The following FRMD5 variants were observed in gnomAD, a reference collection of about 807,000 sequenced individuals.
FRMD5 encodes the protein FERM domain containing 5, also known as FERM domain-containing protein 5.
Under a neutral mutation model 69.0 loss-of-function variants are expected in FRMD5, and 20 were observed. That is an observed-to-expected ratio of 0.29 (90% CI 0.20 to 0.42). The LOEUF is 0.42. Ranked by LOEUF, FRMD5 falls within the 10% of genes least tolerant of loss-of-function variation. FRMD5 has a pLI of 1.00. For synonymous variants in FRMD5, 271 were observed against 260.1 expected (o/e 1.04, Z -0.40); for missense variants, 595 against 708.6 (o/e 0.84, Z 1.82).
At chr15:44,014,715 T>C (rs1443577905) in intron 1 of FRMD5, among the ~76,000 whole-genome samples, 3 of 151,466 alleles carry the variant, frequency 2.0e-5, no homozygotes, top group Non-Finnish European at 4.4e-5. Context: ...CCAGCCTGGG[T>C]GACAAGAGCG....
chr15:44,182,074 G>A (rs565381773), intron 1 of FRMD5, among the ~76,000 whole-genome samples: 67 of 150,718 alleles, frequency 4.4e-4, no homozygotes, highest in Middle Eastern at 3.4e-3. Flanking sequence ...CTAGTGGTGC[G>A]ATCTCGGCTC....
At chr15:43,885,647 A>G in intron 11 of FRMD5, 34 bp downstream of exon 11, 1 of 1,552,228 alleles carries the variant, frequency 6.4e-7, no homozygotes, top group East Asian at 2.2e-5. Flanking sequence ...GTCTGAAAAT[A>G]GATCCATAAT....
chr15:44,038,915 C>T (rs569915421), intron 1 of FRMD5, among the ~76,000 whole-genome samples: 31 of 152,262 alleles, frequency 2.0e-4, no homozygotes, highest in African/African-American at 6.7e-4. Context: ...CCCATAGAGC[C>T]GAGCAAGCTA....
chr15:43,947,362 T>C (rs1341715485), intron 1 of FRMD5, among the ~76,000 whole-genome samples: 1 of 152,250 alleles, frequency 6.6e-6, no homozygotes, highest in African/African-American at 2.4e-5. Context: ...TCCATATATT[T>C]AAAAGCTATC....
At chr15:44,113,532 C>T (rs1258337571) in intron 1 of FRMD5, among the ~76,000 whole-genome samples, 1 of 152,148 alleles carries the variant, frequency 6.6e-6, no homozygotes, top group Non-Finnish European at 1.5e-5. Flanking sequence ...CCCTCTCTGG[C>T]ATTTATCCTT....
rs150697882 is a variant in FRMD5 at position 43,874,448 on chromosome 15, G to A, written c.1150C>T (p.Arg384Trp). 7 of 1,614,062 alleles carry A rather than the reference G, an allele frequency of 4.3e-6. No homozygotes were observed. Among genetic ancestry groups the A allele is most frequent in the East Asian group, 2.2e-5 (1 of 44,892 alleles). ...ACTGGTGTGGAATGGGCACTGTCCC[G>A]TAAGGACTCTAGGCCTAGAAAGGCA... ...ISIMEGLESL[R>W]DSAHSTPVRS... Residue 384 changes from arginine to tryptophan, a missense_variant, in exon 14 of 14, where the codon CGG (arginine) becomes TGG (tryptophan). Arg to Trp is a moderately radical substitution (Grantham distance 101). Coordinates refer to ENST00000417257, the MANE Select transcript of FRMD5 (RefSeq NM_032892.5).
Position 43,873,076 on chromosome 15 carries a change from G to T in FRMD5, c.*809C>A. ...CCCTGGAGCACTATAAAAGTCTTGA[G>T]GTTCTTCGGAAAAAAAAAATCACGT... On this transcript the variant is annotated 3_prime_UTR_variant, in exon 14 of 14. Coordinates refer to ENST00000417257, the MANE Select transcript of FRMD5 (RefSeq NM_032892.5). 1.8e-6 allele frequency: 2 copies of T among 1,127,682 alleles called. No individual in the cohort carries two copies. The highest frequency in any genetic ancestry group is 1.6e-5 in the African/African-American group (1 of 63,796). 69.9% of individuals were successfully genotyped at this position (1,127,682 alleles called of 1,614,324 possible).
At chr15:44,046,455 C>T (rs1347378983) in intron 1 of FRMD5, among the ~76,000 whole-genome samples, 1 of 152,220 alleles carries the variant, frequency 6.6e-6, no homozygotes, top group Non-Finnish European at 1.5e-5. Flanking sequence ...TACCCATACA[C>T]ATTTTCATTT....
chr15:43,876,288 T>C (rs752632495), intron 13 of FRMD5: 7 of 1,278,910 alleles, frequency 5.5e-6, no homozygotes, highest in Non-Finnish European at 7.8e-6. Flanking sequence ...GCCTGGTTTT[T>C]ACCCCAGTTT....
At chr15:44,015,471 CTAA>C (rs1221566527) in intron 1 of FRMD5, among the ~76,000 whole-genome samples, 1 of 152,058 alleles carries the variant, frequency 6.6e-6, no homozygotes, top group Admixed American at 6.6e-5. Flanking sequence ...GCATTTTCTT[CTAA>C]TAATGAGAAG....
At chr15:44,096,799 G>A (rs574424268) in intron 1 of FRMD5, among the ~76,000 whole-genome samples, 3 of 152,094 alleles carry the variant, frequency 2.0e-5, no homozygotes, top group Non-Finnish European at 2.9e-5. Flanking sequence ...AACCACAAAT[G>A]TGTTCTTAAG....
At chr15:43,961,703 A>C (rs1015427355) in intron 1 of FRMD5, among the ~76,000 whole-genome samples, 1 of 152,252 alleles carries the variant, frequency 6.6e-6, no homozygotes, top group Non-Finnish European at 1.5e-5. Context: ...AAGCTTATCC[A>C]CCATGATCAA....
chr15:44,124,650 G>C (rs569322082), intron 1 of FRMD5, among the ~76,000 whole-genome samples: 1 of 152,128 alleles, frequency 6.6e-6, no homozygotes, highest in East Asian at 1.9e-4. Flanking sequence ...AGTGAGCCAA[G>C]ATCATCCCAC....
At chr15:43,952,026 G>GTGTGTGTGTGTGTT (rs2090043938) in intron 1 of FRMD5, among the ~76,000 whole-genome samples, 2 of 149,494 alleles carry the variant, frequency 1.3e-5, no homozygotes, top group African/African-American at 5.0e-5. Context: ...GTGTGTGTGT[G>GTGTGTGTGTGTGTT]TGTGTGTGTG....
intron 4 of FRMD5, among the ~76,000 whole-genome samples, chr15:43,911,960 G>A (rs1251933068): frequency 6.6e-6 from 1 of 152,130 alleles, no homozygotes; most frequent in African/African-American, 2.4e-5. Flanking sequence ...AAACAGAAAT[G>A]AGGGAGCAAC....
At chr15:43,979,201 T>C (rs527394330) in intron 1 of FRMD5, among the ~76,000 whole-genome samples, 9 of 152,146 alleles carry the variant, frequency 5.9e-5, no homozygotes, top group African/African-American at 2.2e-4. Flanking sequence ...TAGCCAAGCG[T>C]CATGGCAGGT....
intron 1 of FRMD5, among the ~76,000 whole-genome samples, chr15:44,013,296 G>A (rs1251911567): frequency 1.3e-5 from 2 of 152,126 alleles, no homozygotes. Context: ...GGGAGGCTAA[G>A]CTGAGAGGCT....
intron 1 of FRMD5, among the ~76,000 whole-genome samples, chr15:44,048,583 T>G (rs896348586): frequency 6.6e-6 from 1 of 150,442 alleles, no homozygotes; most frequent in African/African-American, 2.5e-5. Context: ...GCTATTTTGG[T>G]TTTTTTTGAG....
chr15:43,987,722 G>C (rs895402804), intron 1 of FRMD5, among the ~76,000 whole-genome samples: 49 of 152,010 alleles, frequency 3.2e-4, no homozygotes, highest in African/African-American at 1.1e-3. Context: ...GCTAATTTTT[G>C]TATTTTTAGT....
Sources: allele counts gnomAD v4.1 joint callset (sites outside exome capture counted in the v4.1 genomes callset), GRCh38; gene constraint gnomAD v4.1.1; transcripts MANE v1.5; gene names NCBI Gene and HGNC (gene_info 2026-07-23, HGNC 2026-07-21).